The following LGR5 variants were observed in gnomAD, a reference collection of about 807,000 sequenced individuals.
The protein encoded by LGR5 is leucine-rich repeat-containing G protein-coupled receptor 5.
In LGR5, 54 loss-of-function variants were observed where a neutral mutation model predicts 76.7. That is an observed-to-expected ratio of 0.70 (90% CI 0.57 to 0.88). The LOEUF (loss-of-function observed/expected upper bound fraction) is 0.88, where lower values mean the gene tolerates loss of function less well. Ranked by LOEUF, LGR5 falls within the 40% of genes least tolerant of loss-of-function variation. The pLI, the probability that LGR5 is intolerant of heterozygous loss-of-function variation, is 0.00. For synonymous variants in LGR5, 406 were observed against 421.9 expected, an observed-to-expected ratio of 0.96 and a Z score of 0.46; for missense variants, 1,078 against 1,073.3, an observed-to-expected ratio of 1.00 and a Z score of -0.06.
chr12:71,503,461 C>G (rs116467614), intron 1 of LGR5, among the ~76,000 whole-genome samples: 1,535 of 152,212 alleles, frequency 0.01, 26 homozygotes, highest in African/African-American at 0.035. Flanking sequence ...AAAATATTTT[C>G]TCTTCTTTGC....
intron 2 of LGR5, among the ~76,000 whole-genome samples, chr12:71,521,650 C>A (rs1031181132): frequency 6.6e-6 from 1 of 152,072 alleles, no homozygotes; most frequent in Non-Finnish European, 1.5e-5. Flanking sequence ...AGCTGGGTGG[C>A]CATGTAATCT....
chr12:71,508,450 A>C (rs1193606089), intron 2 of LGR5, among the ~76,000 whole-genome samples: 1 of 152,070 alleles, frequency 6.6e-6, no homozygotes, highest in Non-Finnish European at 1.5e-5. Context: ...ACACTGACTT[A>C]ATGTTTAAAA....
chr12:71,582,168 A>G (rs1194464581), intron 16 of LGR5: 3 of 321,260 alleles, frequency 9.3e-6, no homozygotes, highest in Non-Finnish European at 1.2e-5. Flanking sequence ...TAGCTCTGCA[A>G]TGTGGGGACA....
chr12:71,484,484 G>A (rs1873743186), intron 1 of LGR5, among the ~76,000 whole-genome samples: 1 of 152,126 alleles, frequency 6.6e-6, no homozygotes, highest in Non-Finnish European at 1.5e-5. Flanking sequence ...TCACTGCTAT[G>A]GATTTAAAAC....
chr12:71,565,714 G>T (rs889308313), intron 8 of LGR5, among the ~76,000 whole-genome samples: 1 of 151,104 alleles, frequency 6.6e-6, no homozygotes, highest in Non-Finnish European at 1.5e-5. Context: ...TACTTTAAAC[G>T]TGGTAGACAT....
At chr12:71,540,858 A>G (rs1876840992) in intron 4 of LGR5, among the ~76,000 whole-genome samples, 2 of 152,228 alleles carry the variant, frequency 1.3e-5, no homozygotes, top group Non-Finnish European at 2.9e-5. Context: ...TTAAAGGATC[A>G]AAGGGGTTAA....
intron 1 of LGR5, among the ~76,000 whole-genome samples, chr12:71,484,305 A>G (rs978442739): frequency 6.6e-6 from 1 of 152,240 alleles, no homozygotes; most frequent in Non-Finnish European, 1.5e-5. Flanking sequence ...GCACTACACT[A>G]TCTTGGGGGA....
chr12:71,516,392 G>A (rs972685061), intron 2 of LGR5, among the ~76,000 whole-genome samples: 2 of 152,020 alleles, frequency 1.3e-5, no homozygotes, highest in East Asian at 1.9e-4. Flanking sequence ...ATCTAGCCAG[G>A]CCCCCTCGCT....
At chr12:71,495,077 TCG>T (rs1491182248) in intron 1 of LGR5, among the ~76,000 whole-genome samples, 3,614 of 149,114 alleles carry the variant, frequency 0.024, 359 homozygotes, top group African/African-American at 0.087. Flanking sequence ...TGGGGCGTAG[TCG>T]GGGGGGGTCT....
intron 11 of LGR5, among the ~76,000 whole-genome samples, chr12:71,571,097 T>C (rs553326991): frequency 6.6e-6 from 1 of 152,338 alleles, no homozygotes; most frequent in South Asian, 2.1e-4. Flanking sequence ...TGCTATGTTT[T>C]GAATTGTTAG....
intron 2 of LGR5, among the ~76,000 whole-genome samples, chr12:71,512,389 T>G (rs1216827145): frequency 6.6e-6 from 1 of 152,248 alleles, no homozygotes; most frequent in Non-Finnish European, 1.5e-5. Context: ...ATGAAGGTCT[T>G]CAGGTGATCT....
At chr12:71,547,986 C>A (rs1010493500) in intron 4 of LGR5, among the ~76,000 whole-genome samples, 6 of 152,060 alleles carry the variant, frequency 3.9e-5, no homozygotes, top group African/African-American at 1.2e-4. Flanking sequence ...CAGACCCCCC[C>A]CAAAAGGACC....
At position 71,512,214 on chromosome 12, in the gene LGR5, C is replaced by A. The variant is rs182875798; in HGVS notation, c.284+7529C>A. Among the ~76,000 whole-genome samples, 194 of 152,284 alleles carry A rather than the reference C, an allele frequency of 1.3e-3. 1 individual carries two copies. Among genetic ancestry groups the A allele is most frequent in the African/African-American group, 4.4e-3 (183 of 41,560 alleles). Reference sequence around the variant, plus strand: ...CCATGTTGGCCAGGCTGGTCTCGAACTCCTGATCTCAAGGATCCACCTGCC... The same window carrying A: ...CCATGTTGGCCAGGCTGGTCTCGAAATCCTGATCTCAAGGATCCACCTGCC... On this transcript the variant is annotated intron_variant, in intron 2 of 17. Transcript: ENST00000266674.
rs1874769891 is a variant in LGR5 at position 71,504,631 on chromosome 12, A to G, written c.230A>G (p.Asn77Ser). The change falls in exon 2 of 18, where the codon AAC becomes AGC. Residue 77 changes from asparagine (N) to serine (S), a missense_variant. Asn to Ser is a conservative substitution (Grantham distance 46, BLOSUM62 1). Coordinates refer to ENST00000266674, the MANE Select transcript of LGR5 (RefSeq NM_003667.4). ...FTSYLDLSMN[N>S]ISQLLPNPLP... ...CCCCCCAGAGACCTCAGTATGAACA[A>G]CATCAGTCAGCTGCTCCCGAATCCC... The G allele has an allele frequency of 6.2e-7, 1 of 1,614,062 alleles. No homozygotes were observed. The highest frequency in any genetic ancestry group is 2.2e-5 in the East Asian group (1 of 44,880).
At chr12:71,463,041 A>G (rs1405733009) in intron 1 of LGR5, among the ~76,000 whole-genome samples, 1 of 152,206 alleles carries the variant, frequency 6.6e-6, no homozygotes, top group Non-Finnish European at 1.5e-5. Context: ...ATTGTATTTT[A>G]TTAAAAATTT....
chr12:71,544,601 A>G (rs970835344), intron 4 of LGR5, among the ~76,000 whole-genome samples: 1 of 150,832 alleles, frequency 6.6e-6, no homozygotes, highest in African/African-American at 2.4e-5. Context: ...ATTAATATAA[A>G]TCAATATGGA....
chr12:71,441,806 T>A (rs1871780657), intron 1 of LGR5: 1 of 152,230 alleles, frequency 6.6e-6, no homozygotes, highest in Non-Finnish European at 1.5e-5. Flanking sequence ...CATGTGGTAG[T>A]GATATCGTTC....
chr12:71,547,329 A>G (rs1027891084), intron 4 of LGR5, among the ~76,000 whole-genome samples: 8 of 152,204 alleles, frequency 5.3e-5, no homozygotes, highest in African/African-American at 1.9e-4. Context: ...GCTGCTGAAC[A>G]TAGATTAAAG....
At chr12:71,537,943 T>A (rs1239824850) in intron 4 of LGR5, among the ~76,000 whole-genome samples, 1 of 152,148 alleles carries the variant, frequency 6.6e-6, no homozygotes, top group Non-Finnish European at 1.5e-5. Flanking sequence ...TTCCCTTTTT[T>A]TTTCTTTTCA....
Sources: allele counts gnomAD v4.1 joint callset (sites outside exome capture counted in the v4.1 genomes callset), GRCh38; gene constraint gnomAD v4.1.1; transcripts MANE v1.5; gene names NCBI Gene and HGNC (gene_info 2026-07-23, HGNC 2026-07-21).